Variants in CETP observed in about 807,000 individuals in gnomAD.
The protein encoded by CETP is BPI fold containing family F.
CETP carries 56 observed loss-of-function variants against 66.5 expected under a neutral mutation model. That is an observed-to-expected ratio of 0.84 (90% CI 0.68 to 1.05). The LOEUF (loss-of-function observed/expected upper bound fraction) is 1.05. Ranked by LOEUF, CETP falls within the 50% of genes least tolerant of loss-of-function variation. CETP has a pLI of 0.00. For missense variants in CETP, 612 were observed against 609.6 expected (o/e 1.00, Z -0.04); for synonymous variants, 251 against 245.7 (o/e 1.02, Z -0.20).
rs2056186007 is a variant in CETP, at chr16:56,981,326, C to G, written c.1214+101C>G. 5.0e-6 allele frequency: 5 copies of G among 998,562 alleles called. No individual in the cohort carries two copies. In the East Asian group the frequency reaches 9.5e-5, roughly 19 times the overall value. The allele number at this position is 998,562 out of a possible 1,614,324, so 61.9% of individuals were successfully genotyped here. On this transcript the variant is annotated intron_variant, in intron 12 of 15. Transcript: ENST00000200676. The stretch of plus-strand genomic sequence containing the variant: ...CGGGGTGTTGGTGGGGAAATGTGGC[C>G]CCTTTCTTCTGGGGCATATGGGCTG...
intron 2 of CETP, among the ~76,000 whole-genome samples, chr16:56,969,077 CTCTT>C (rs1313256404): frequency 2.6e-5 from 4 of 152,080 alleles, no homozygotes; most frequent in Non-Finnish European, 5.9e-5. Flanking sequence ...CCTTCCTCTC[CTCTT>C]CTGCCTCCTC....
At chr16:56,969,352 C>A (rs370833647) in intron 2 of CETP, 34 bp from the exon 3 acceptor site, 1 of 1,612,728 alleles carries the variant, frequency 6.2e-7, no homozygotes, top group African/African-American at 1.3e-5. Context: ...CTGGATGACC[C>A]CCAACATCCT....
At chr16:56,980,785 G>A (rs1330646097) in intron 11 of CETP, among the ~76,000 whole-genome samples, 3 of 152,116 alleles carry the variant, frequency 2.0e-5, no homozygotes, top group Non-Finnish European at 2.9e-5. Flanking sequence ...AGCCGGACAT[G>A]GTGGCACATG....
At chr16:56,966,297 C>A (rs17237953) in intron 2 of CETP, among the ~76,000 whole-genome samples, 2,037 of 152,196 alleles carry the variant, frequency 0.013, 54 homozygotes, top group African/African-American at 0.047. Context: ...TTATTTAGGG[C>A]GAGGGAAGCT....
chr16:56,973,230 C>A, intron 8 of CETP, 101 bp from the exon 9 acceptor site: 1 of 1,246,810 alleles, frequency 8.0e-7, no homozygotes. Flanking sequence ...TCCCCATCTG[C>A]ACTCTGGGCT....
At chr16:56,978,660 A>T (rs1485862575) in intron 11 of CETP, among the ~76,000 whole-genome samples, 5 of 151,784 alleles carry the variant, frequency 3.3e-5, no homozygotes, top group African/African-American at 1.2e-4. Flanking sequence ...TAAAAAAAAA[A>T]ATTTCCTTAG....
intron 5 of CETP, among the ~76,000 whole-genome samples, chr16:56,970,690 T>C (rs969068457): frequency 6.6e-6 from 1 of 152,166 alleles, no homozygotes; most frequent in African/African-American, 2.4e-5. Context: ...AGAAGGGAAC[T>C]GGTGGGTGGG....
intron 2 of CETP, among the ~76,000 whole-genome samples, chr16:56,966,507 A>G (rs2056067279): frequency 6.6e-6 from 1 of 152,156 alleles, no homozygotes; most frequent in African/African-American, 2.4e-5. Context: ...GTGAAAATGG[A>G]GAAATGCACC....
At chr16:56,977,107 C>T (rs1330979013) in intron 10 of CETP, among the ~76,000 whole-genome samples, 1 of 151,956 alleles carries the variant, frequency 6.6e-6, no homozygotes, top group Non-Finnish European at 1.5e-5. Context: ...GACGGGGTTT[C>T]ACCATGTTGG....
intron 9 of CETP, 22 bp downstream of exon 9, chr16:56,973,532 G>C: frequency 6.2e-7 from 1 of 1,613,756 alleles, no homozygotes; most frequent in Non-Finnish European, 8.5e-7. Flanking sequence ...GGGCTGGGCT[G>C]CTAGGGGATC....
In CETP at chr16:56,981,813, T is replaced by C. The variant is rs78603009; in HGVS notation, c.1248+133T>C. 4,284 of 877,850 alleles carry C rather than the reference T, an allele frequency of 4.9e-3. 133 individuals are homozygous for C. In the African/African-American group the frequency reaches 0.062, roughly 13 times the overall value. 54.4% of individuals were successfully genotyped at this position (877,850 alleles called of 1,614,324 possible). A position where few individuals can be genotyped will look rare whatever the true frequency, so the allele number is the denominator to read the frequency against. On this transcript the variant is annotated intron_variant, in intron 13 of 15. Coordinates refer to ENST00000200676, the MANE Select transcript of CETP (RefSeq NM_000078.3). ...TGTGGACCAGGTGGTCCATGCTGTG[T>C]CTCTTGTGACCCTTCTTCTCCCTGC...
rs144949752 is a variant in CETP, at chr16:56,978,215, G to A, written c.1106G>A (p.Arg369His). 27 of 1,614,044 alleles carry A rather than the reference G, an allele frequency of 1.7e-5. No homozygotes were observed. Among genetic ancestry groups the A allele is most frequent in the South Asian group, 1.1e-4 (10 of 91,082 alleles). Residue 369 changes from arginine to histidine, a missense_variant, in exon 11 of 16, where the codon CGC becomes CAC. Transcript: ENST00000200676. ...SSVMVKFLFPRPDQQHSVAYT... is the reference protein window; with the variant it reads ...SSVMVKFLFPHPDQQHSVAYT... ...GTGATGGTGAAATTCCTCTTTCCAC[G>A]CCCAGACCAGCAACATTCTGTAGCT...
chr16:56,969,295 C>T (rs1478007521), intron 2 of CETP, 91 bp from the exon 3 acceptor site: 5 of 1,550,686 alleles, frequency 3.2e-6, no homozygotes, highest in Non-Finnish European at 4.4e-6. Context: ...ATGATTCTAT[C>T]TTCCACCCTC....
chr16:56,973,546 A>T, intron 9 of CETP, 36 bp downstream of exon 9: 1 of 1,611,544 alleles, frequency 6.2e-7, no homozygotes, highest in Non-Finnish European at 8.5e-7. Flanking sequence ...GGGGATCCAG[A>T]TGGCATGTGG....
At chr16:56,967,922 G>C (rs1338657681) in intron 2 of CETP, among the ~76,000 whole-genome samples, 1 of 151,510 alleles carries the variant, frequency 6.6e-6, no homozygotes, top group African/African-American at 2.4e-5. Context: ...TTACACAACT[G>C]CACTCTGGCC....
chr16:56,966,768 CTTT>C (rs35404403), intron 2 of CETP, among the ~76,000 whole-genome samples: 12 of 138,574 alleles, frequency 8.7e-5, no homozygotes, highest in South Asian at 2.3e-4. Context: ...CCCGGCTAAT[CTTT>C]TTTTTTTTTT....
At chr16:56,963,217 C>A in intron 2 of CETP, 93 bp downstream of exon 2, 2 of 967,832 alleles carry the variant, frequency 2.1e-6, no homozygotes, top group Middle Eastern at 2.1e-4. Flanking sequence ...GGAAAGGCAG[C>A]AGCTGGGGGA....
intron 11 of CETP, among the ~76,000 whole-genome samples, chr16:56,980,499 T>C (rs12708983): frequency 0.024 from 3,651 of 152,372 alleles, 67 homozygotes; most frequent in Non-Finnish European, 0.038. Context: ...ATCTCTTTAA[T>C]TTTTGTATTA....
At chr16:56,978,488 T>A (rs1261665524) in intron 11 of CETP, among the ~76,000 whole-genome samples, 1 of 152,152 alleles carries the variant, frequency 6.6e-6, no homozygotes, top group African/African-American at 2.4e-5. Context: ...TTCTTATTTT[T>A]ATTTTTTTTA....
Sources: gnomAD v4.1 joint callset for allele counts (sites outside exome capture counted in the v4.1 genomes callset) on GRCh38, gnomAD v4.1.1 for gene constraint, MANE v1.5 for transcripts, NCBI Gene and HGNC (gene_info 2026-07-23, HGNC 2026-07-21) for gene names.